LY75: variants seen among roughly 807,000 people sequenced by gnomAD.
The protein encoded by LY75 is lymphocyte antigen 75, also known as C-type lectin domain family 13 member B.
LY75 carries 185 observed loss-of-function variants against 231.7 expected under a neutral mutation model. The ratio of observed to expected loss-of-function variants is 0.80; its 90% CI spans 0.71 to 0.90. The LOEUF is 0.90. Ranked by LOEUF, LY75 falls within the 40% of genes least tolerant of loss-of-function variation. LY75 has a pLI of 0.00. For missense variants in LY75, 1,947 were observed against 2,050.2 expected, an observed-to-expected ratio of 0.95 and a Z score of 0.97; for synonymous variants, 668 against 689.0, an observed-to-expected ratio of 0.97 and a Z score of 0.48.
At chr2:159,840,380 T>C (rs560476236) in intron 25 of LY75, among the ~76,000 whole-genome samples, 1 of 152,186 alleles carries the variant, frequency 6.6e-6, no homozygotes, top group Non-Finnish European at 1.5e-5. Context: ...GAGACCAGCT[T>C]GGGCAATATG....
intron 3 of LY75, 62 bp from the exon 4 acceptor site, chr2:159,890,439 A>C: frequency 6.3e-7 from 1 of 1,598,198 alleles, no homozygotes; most frequent in Non-Finnish European, 8.5e-7. Context: ...ATTACTTAGA[A>C]TGCTTAGAAA....
intron 13 of LY75, among the ~76,000 whole-genome samples, chr2:159,867,893 A>G (rs1560089857): frequency 6.6e-6 from 1 of 152,154 alleles, no homozygotes; most frequent in African/African-American, 2.4e-5. Flanking sequence ...AATCCTTTTC[A>G]CTGAAATACA....
At chr2:159,818,525 A>T (rs1683190788) in intron 29 of LY75, among the ~76,000 whole-genome samples, 1 of 152,212 alleles carries the variant, frequency 6.6e-6, no homozygotes, top group Non-Finnish European at 1.5e-5. Context: ...AGCCAAGAGG[A>T]GCTTAAGGAG....
At chr2:159,842,193 A>C (rs368861336) in intron 24 of LY75, 52 bp downstream of exon 24, 3 of 1,571,754 alleles carry the variant, frequency 1.9e-6, no homozygotes, top group East Asian at 2.4e-5. Flanking sequence ...CTCTCTATAT[A>C]TATATATGTA....
At position 159,835,686 on chromosome 2, in the gene LY75, G is replaced by A. The variant is rs755771683; in HGVS notation, c.3508-41C>T. 3 of 1,596,334 alleles carry A rather than the reference G, an allele frequency of 1.9e-6. No individual in the cohort carries two copies. The South Asian group carries it at 3.5e-5, about 19-fold the overall frequency. On this transcript the variant is annotated intron_variant, in intron 25 of 34. Transcript: ENST00000263636. ...GTACATTTCAGGTGGCAATATTGAT[G>A]TTAACCCTTTGTATTATTTTGACTC...
intron 7 of LY75, among the ~76,000 whole-genome samples, chr2:159,881,691 C>T (rs537426692): frequency 4.0e-4 from 61 of 152,108 alleles, no homozygotes; most frequent in African/African-American, 1.2e-3. Context: ...TAATACTGTC[C>T]GTCTAGTATA....
chr2:159,836,290 G>A (rs1251080930), intron 25 of LY75, among the ~76,000 whole-genome samples: 2 of 152,192 alleles, frequency 1.3e-5, no homozygotes, highest in Non-Finnish European at 2.9e-5. Context: ...GGCACACAGA[G>A]AGCTGGTGGT....
At chr2:159,878,037 A>T (rs1175412429) in intron 11 of LY75, among the ~76,000 whole-genome samples, 1 of 152,202 alleles carries the variant, frequency 6.6e-6, no homozygotes, top group African/African-American at 2.4e-5. Flanking sequence ...TCTATTTGAG[A>T]TTTACATGGA....
chr2:159,862,269 G>A (rs1317969417), intron 14 of LY75, among the ~76,000 whole-genome samples: 2 of 144,850 alleles, frequency 1.4e-5, no homozygotes, highest in African/African-American at 5.1e-5. Flanking sequence ...TCTAGCCTGG[G>A]CGACAGAGTG....
intron 12 of LY75, among the ~76,000 whole-genome samples, chr2:159,873,542 T>C (rs1685080629): frequency 6.6e-6 from 1 of 152,002 alleles, no homozygotes; most frequent in African/African-American, 2.4e-5. Flanking sequence ...GGAGCAGAGG[T>C]CACCATTCAA....
At chr2:159,849,467 G>T (rs1684314381) in intron 23 of LY75, among the ~76,000 whole-genome samples, 1 of 152,106 alleles carries the variant, frequency 6.6e-6, no homozygotes, top group African/African-American at 2.4e-5. Flanking sequence ...GAGGCTGAGA[G>T]CCCAAAGTCC....
chr2:159,810,001 C>T (rs1682909018), intron 32 of LY75, among the ~76,000 whole-genome samples: 1 of 149,586 alleles, frequency 6.7e-6, no homozygotes, highest in Non-Finnish European at 1.5e-5. Context: ...TCTACTTCTT[C>T]CAACTTATTA....
intron 28 of LY75, among the ~76,000 whole-genome samples, chr2:159,827,834 A>G (rs1382122757): frequency 1.3e-5 from 2 of 152,192 alleles, no homozygotes; most frequent in African/African-American, 2.4e-5. Flanking sequence ...AGAAACCATC[A>G]ATCTCAGCAA....
chr2:159,820,745 AT>A (rs1380058811), intron 28 of LY75, among the ~76,000 whole-genome samples: 2 of 152,244 alleles, frequency 1.3e-5, no homozygotes, highest in Non-Finnish European at 2.9e-5. Context: ...TAACTATTTT[AT>A]TTATTTAAAA....
chr2:159,817,061 A>G (rs761007633), intron 29 of LY75, 29 bp from the exon 30 acceptor site: 1 of 1,538,206 alleles, frequency 6.5e-7, no homozygotes, highest in South Asian at 1.2e-5. Flanking sequence ...CTGGTGATTA[A>G]AATTTAAATT....
chr2:159,819,544 C>T (rs1683223786), intron 29 of LY75, among the ~76,000 whole-genome samples, 182 bp downstream of exon 29: 1 of 152,128 alleles, frequency 6.6e-6, no homozygotes, highest in Non-Finnish European at 1.5e-5. Context: ...ACATTTTACT[C>T]CTTAGGGTCA....
Position 159,840,960 on chromosome 2 carries a change from A to G in LY75, c.3281-5T>C. 1 of 1,612,208 alleles carries G rather than the reference A, an allele frequency of 6.2e-7. No individual in the cohort carries two copies. The highest frequency in any genetic ancestry group is 8.5e-7 in the Non-Finnish European group (1 of 1,179,430). ...ACGTCTGTCTGCTTTTAACTTCTGC[A>G]TGTAAAAGAAAACAACAACAACAAC... On this transcript the variant is annotated splice_polypyrimidine_tract_variant and splice_region_variant and intron_variant, in intron 24 of 34. Transcript: ENST00000263636.
intron 25 of LY75, among the ~76,000 whole-genome samples, chr2:159,839,758 C>T (rs1293009892): frequency 6.6e-6 from 1 of 152,020 alleles, no homozygotes; most frequent in Non-Finnish European, 1.5e-5. Context: ...CTAATCCCAA[C>T]ACTTTGGGAG....
In LY75 at chr2:159,898,812, A is replaced by G; in HGVS notation, c.342T>C (p.Ser114=). The G allele has an allele frequency of 6.2e-7, 1 of 1,614,212 alleles. No homozygotes were observed. Residue 114 remains serine (S), a synonymous_variant, in exon 2 of 35, where the codon TCT becomes TCC. Transcript: ENST00000263636. ...GCCGGTACCGGGCAGCTCCGTACAG[A>G]GAGTGGTGCTCACATTTCCACCACA... ...AMLWWKCEHH[S]LYGAARYRLA...
Sources: allele counts gnomAD v4.1 joint callset (sites outside exome capture counted in the v4.1 genomes callset), GRCh38; gene constraint gnomAD v4.1.1; transcripts MANE v1.5; gene names NCBI Gene and HGNC (gene_info 2026-07-23, HGNC 2026-07-21).